Variants in ZNF721 observed in about 807,000 individuals in gnomAD.
ZNF721 encodes zinc finger protein 721.
Under a neutral mutation model 2.4 loss-of-function variants are expected in ZNF721, and 2 were observed. The ratio of observed to expected loss-of-function variants is 0.82; its 90% CI spans 0.34 to 2.58. The LOEUF (loss-of-function observed/expected upper bound fraction) is 2.58. Among genes scored for constraint, ZNF721 ranks in the 30% most tolerant of loss-of-function variants. ZNF721 has a pLI of 0.11. For missense variants in ZNF721, 1,187 were observed against 1,085.5 expected, an observed-to-expected ratio of 1.09 and a Z score of -1.31; for synonymous variants, 398 against 381.8, an observed-to-expected ratio of 1.04 and a Z score of -0.50.
At chr4:460,627 CAAAA>C (rs199519505) in intron 2 of ZNF721, among the ~76,000 whole-genome samples, 1 of 101,386 alleles carries the variant, frequency 9.9e-6, no homozygotes. Flanking sequence ...AAGACCCTTT[CAAAA>C]AAAAAAAAAA....
At position 442,844 on chromosome 4, in the gene ZNF721, G is replaced by T. The variant is rs566118736; in HGVS notation, c.1623C>A (p.Ser541=). 204 of 1,613,540 alleles carry T rather than the reference G, an allele frequency of 1.3e-4. 1 individual carries two copies. The highest frequency in any genetic ancestry group is 5.2e-4 in the Admixed American group (31 of 59,956). ...CEVCGKAFRQ[S]AILYVHRRIH... ...TTCTCCTATGTACATAAAGGATTGC[G>T]GACTGTCTAAAGGCTTTGCCACATA... The change falls in exon 3 of 3, where the codon TCC becomes TCA. Residue 541 remains serine (S), a synonymous_variant. Coordinates refer to ENST00000511833, the MANE Select transcript of ZNF721 (RefSeq NM_133474.4).
chr4:448,438 C>T (rs1488827708), intron 2 of ZNF721, among the ~76,000 whole-genome samples: 1 of 142,988 alleles, frequency 7.0e-6, no homozygotes, highest in Admixed American at 7.0e-5. Flanking sequence ...TCCGTATCCC[C>T]CCCCAAAAAA....
chr4:451,995 A>G (rs1285222425), intron 2 of ZNF721, among the ~76,000 whole-genome samples: 3 of 152,176 alleles, frequency 2.0e-5, no homozygotes, highest in Non-Finnish European at 4.4e-5. Context: ...TGCTGAGGTA[A>G]TTTCCCGGTA....
In ZNF721 at chr4:441,647, T is replaced by C. The variant is rs1714239357; in HGVS notation, c.*48A>G. 3 of 1,476,712 alleles carry C rather than the reference T, an allele frequency of 2.0e-6. No individual in the cohort carries two copies. Among genetic ancestry groups the C allele is most frequent in the Non-Finnish European group, 1.8e-6 (2 of 1,095,314 alleles). The allele number at this position is 1,476,712 out of a possible 1,614,324, so 91.5% of individuals were successfully genotyped here. A position where few individuals can be genotyped will look rare whatever the true frequency, so the allele number is the denominator to read the frequency against. ...AGACATTCCCCTGGTATGAGTTCTC[T>C]TATGTTTAAGAATGCTGTAGTATGA... On this transcript the variant is annotated 3_prime_UTR_variant, in exon 3 of 3. Coordinates refer to ENST00000511833, the MANE Select transcript of ZNF721 (RefSeq NM_133474.4).
chr4:442,549 G>C lies in ZNF721; in HGVS notation c.1918C>G (p.Pro640Ala), dbSNP rs1194955966. ...QQKKIYTGEKPYKCEECGKAF... is the reference protein window; with the variant it reads ...QQKKIYTGEKAYKCEECGKAF... ...TTGCCACACTCTTCACATTTGTAAG[G>C]TTTCTCCCCAGTGTAAATTTTCTTC... Residue 640 changes from proline to alanine, a missense_variant, in exon 3 of 3, where the codon CCT becomes GCT. Transcript: ENST00000511833. The C allele has an allele frequency of 6.2e-7, 1 of 1,613,656 alleles. No homozygotes were observed. The highest frequency in any genetic ancestry group is 1.3e-5 in the African/African-American group (1 of 74,814).
Position 475,801 on chromosome 4 carries a change from G to A in ZNF721, c.-93-3100C>T, listed in dbSNP as rs6820507. ...TATACCAAAGCTTCCCCCTACTAAC[G>A]TGCTATTTCTAACACAAGCTAAAGC... On this transcript the variant is annotated intron_variant, in intron 1 of 2. Coordinates refer to ENST00000511833, the MANE Select transcript of ZNF721 (RefSeq NM_133474.4). Among the ~76,000 whole-genome samples, 350 of 147,508 alleles carry A rather than the reference G, an allele frequency of 2.4e-3. 1 individual carries two copies. Among genetic ancestry groups the A allele is most frequent in the South Asian group, 7.6e-3 (36 of 4,718 alleles).
At position 440,561 on chromosome 4, in the gene ZNF721, G is replaced by A. The variant is rs1553862954; in HGVS notation, c.*1134C>T. 2 of 152,258 alleles carry A rather than the reference G, an allele frequency of 1.3e-5. No homozygotes were observed. The highest frequency in any genetic ancestry group is 3.9e-4 in the East Asian group (2 of 5,186). The allele number at this position is 152,258 out of a possible 1,614,324, so 9.4% of individuals were successfully genotyped here. A position where few individuals can be genotyped will look rare whatever the true frequency, so the allele number is the denominator to read the frequency against. On this transcript the variant is annotated 3_prime_UTR_variant, in exon 3 of 3. Transcript: ENST00000511833. ...TGTTAGTTCCTTAGTTCTTTCTACTGTAAATCCTCTGATGTTTACATAGTC... is the reference window on the plus strand; with the variant it reads ...TGTTAGTTCCTTAGTTCTTTCTACTATAAATCCTCTGATGTTTACATAGTC...
intron 2 of ZNF721, among the ~76,000 whole-genome samples, chr4:464,442 C>G (rs1715173587): frequency 7.1e-6 from 1 of 141,726 alleles, no homozygotes; most frequent in African/African-American, 2.7e-5. Context: ...GCACTCCAGC[C>G]TGGGCTACAG....
At chr4:496,085 A>T (rs1199670824) in intron 1 of ZNF721, among the ~76,000 whole-genome samples, 1 of 152,116 alleles carries the variant, frequency 6.6e-6, no homozygotes, top group African/African-American at 2.4e-5. Flanking sequence ...AAAATTTAAA[A>T]ATCTTTTCTC....
At chr4:469,891 A>AC (rs1715377421) in intron 2 of ZNF721, among the ~76,000 whole-genome samples, 1 of 151,996 alleles carries the variant, frequency 6.6e-6, no homozygotes, top group Non-Finnish European at 1.5e-5. Context: ...TAAAAGTAGA[A>AC]CTTTTTTTTT....
chr4:450,740 G>A (rs112101106), intron 2 of ZNF721, among the ~76,000 whole-genome samples: 8 of 151,316 alleles, frequency 5.3e-5, no homozygotes, highest in African/African-American at 1.2e-4. Flanking sequence ...GATCGAGACC[G>A]TCCTGGCTAA....
Position 442,344 on chromosome 4 carries a change from C to A in ZNF721, c.2123G>T (p.Arg708Met). 3.1e-6 allele frequency: 5 copies of A among 1,613,448 alleles called. No homozygotes were observed. Among genetic ancestry groups the A allele is most frequent in the Non-Finnish European group, 4.2e-6 (5 of 1,179,750 alleles). ...CCTATGTGTAGTAAGGTTTCTTGAC[C>A]TACTAAAGGCTTTGCCACACTCTTC... The part of the protein sequence containing the change: ...KCEECGKAFS[R>M]SRNLTTHRRV... Residue 708 changes from arginine (R) to methionine (M), a missense_variant, in exon 3 of 3, where the codon AGG becomes ATG. Transcript: ENST00000511833.
intron 2 of ZNF721, among the ~76,000 whole-genome samples, chr4:469,777 A>C (rs1460516712): frequency 6.6e-6 from 1 of 152,228 alleles, no homozygotes; most frequent in Non-Finnish European, 1.5e-5. Context: ...CCATGCATAC[A>C]AGGTCAACGA....
At chr4:475,963 A>T (rs969763310) in intron 1 of ZNF721, among the ~76,000 whole-genome samples, 3 of 152,218 alleles carry the variant, frequency 2.0e-5, no homozygotes, top group African/African-American at 7.2e-5. Context: ...TTGACTGAGC[A>T]CAATGCAACA....
At chr4:460,774 CT>C (rs1411300692) in intron 2 of ZNF721, among the ~76,000 whole-genome samples, 1 of 152,108 alleles carries the variant, frequency 6.6e-6, no homozygotes, top group Non-Finnish European at 1.5e-5. Context: ...GATATCAACA[CT>C]GATCCCACAG....
chr4:444,187 C>A lies in ZNF721; in HGVS notation c.280G>T (p.Ala94Ser), dbSNP rs782102836. ...CTTGTCTTATCTTTGTTTGAATTTG[C>A]AAATTTACTAAAAACTTTGACACGT... is the stretch of plus-strand genomic sequence containing the variant. ...NARVKVFSKFANSNKDKTRHT... is the reference protein window; with the variant it reads ...NARVKVFSKFSNSNKDKTRHT... The change falls in exon 3 of 3, where the codon GCA (alanine) becomes TCA (serine). Residue 94 changes from alanine (A) to serine (S), a missense_variant. Coordinates refer to ENST00000511833, the MANE Select transcript of ZNF721 (RefSeq NM_133474.4). The A allele has an allele frequency of 1.2e-6, 2 of 1,613,772 alleles. No individual in the cohort carries two copies. Among genetic ancestry groups the A allele is most frequent in the Non-Finnish European group, 1.7e-6 (2 of 1,179,792 alleles).
In ZNF721 at chr4:442,896, G is replaced by T. The variant is rs202047840; in HGVS notation, c.1571C>A (p.Thr524Asn). The change falls in exon 3 of 3, where the codon ACT becomes AAT. Residue 524 changes from threonine to asparagine, a missense_variant. Thr to Asn is a moderately conservative substitution (Grantham distance 65, BLOSUM62 0). Coordinates refer to ENST00000511833, the MANE Select transcript of ZNF721 (RefSeq NM_133474.4). ...TTLTKHRRIH[T>N]GEKPYTCEVC... ...TTCACATGTGTAGGGTTTCTCTCCA[G>T]TATGAATTCTCCTATGTTTAGTAAG... The T allele has an allele frequency of 8.1e-6, 13 of 1,613,852 alleles. No individual in the cohort carries two copies. Among genetic ancestry groups the T allele is most frequent in the Admixed American group, 1.7e-5 (1 of 59,998 alleles).
chr4:473,091 G>C (rs2108712704), intron 1 of ZNF721, among the ~76,000 whole-genome samples: 1 of 152,270 alleles, frequency 6.6e-6, no homozygotes, highest in East Asian at 1.9e-4. Flanking sequence ...TAGACAGGAT[G>C]TGAGGGGAGG....
chr4:475,626 A>G (rs1349323187), intron 1 of ZNF721, among the ~76,000 whole-genome samples: 1 of 151,492 alleles, frequency 6.6e-6, no homozygotes, highest in Admixed American at 6.6e-5. Context: ...CTCCACAACT[A>G]CTAAAGTCTA....
Sources: gnomAD v4.1 joint callset for allele counts (sites outside exome capture counted in the v4.1 genomes callset) on GRCh38, gnomAD v4.1.1 for gene constraint, MANE v1.5 for transcripts, NCBI Gene and HGNC (gene_info 2026-07-23, HGNC 2026-07-21) for gene names.